Variants in FGGY observed in about 807,000 individuals in gnomAD.
FGGY encodes FGGY carbohydrate kinase domain containing.
FGGY carries 72 observed loss-of-function variants against 71.3 expected under a neutral mutation model. The observed-to-expected ratio is 1.01, with a 90% CI of 0.84 to 1.23. The LOEUF is 1.23. Ranked by LOEUF, FGGY falls within the 50% of genes most tolerant of loss-of-function variation. The pLI is 0.00. For synonymous variants in FGGY, 251 were observed against 250.3 expected (o/e 1.00, Z -0.02); for missense variants, 668 against 682.3 (o/e 0.98, Z 0.23).
At chr1:59,499,644 A>G (rs2094161391) in intron 6 of FGGY, among the ~76,000 whole-genome samples, 1 of 152,204 alleles carries the variant, frequency 6.6e-6, no homozygotes, top group African/African-American at 2.4e-5. Context: ...AAAAAAGTTT[A>G]AGAACATAGT....
intron 14 of FGGY, among the ~76,000 whole-genome samples, chr1:59,695,266 G>A (rs1221064457): frequency 6.6e-6 from 1 of 152,198 alleles, no homozygotes; most frequent in African/African-American, 2.4e-5. Flanking sequence ...GCAATGACAA[G>A]TGAAAAGATG....
intron 14 of FGGY, 79 bp from the exon 15 acceptor site, chr1:59,757,852 A>G (rs2098306458): frequency 2.1e-6 from 2 of 941,248 alleles, no homozygotes; most frequent in African/African-American, 3.3e-5. Context: ...AATTCAAATT[A>G]GAATGTTTTG....
At chr1:59,737,218 TC>T (rs1475152967) in intron 14 of FGGY, among the ~76,000 whole-genome samples, 1 of 152,194 alleles carries the variant, frequency 6.6e-6, no homozygotes, top group East Asian at 1.9e-4. Context: ...AGGGACAGGG[TC>T]CTCTTGGAGA....
chr1:59,675,236 A>G (rs990000198), intron 14 of FGGY, among the ~76,000 whole-genome samples: 1 of 152,128 alleles, frequency 6.6e-6, no homozygotes, highest in Admixed American at 6.6e-5. Flanking sequence ...TTAGGACTAC[A>G]AGCCAGGTAT....
At chr1:59,732,908 C>T (rs1000750622) in intron 14 of FGGY, among the ~76,000 whole-genome samples, 1 of 152,110 alleles carries the variant, frequency 6.6e-6, no homozygotes, top group Non-Finnish European at 1.5e-5. Context: ...ACATGGCCCC[C>T]GAGTACCTGG....
rs145802448 is a variant in FGGY, at chr1:59,502,915, G to A, written c.671-9396G>A. On this transcript the variant is annotated intron_variant, in intron 6 of 15. Coordinates refer to ENST00000303721, the MANE Select transcript of FGGY (RefSeq NM_018291.5). The stretch of plus-strand genomic sequence containing the variant: ...AGAAGCTAAAAGATTCAGCATGTTC[G>A]GATTTCATGACTCTTGTGGTTTTGT... Among the ~76,000 whole-genome samples the A allele has an allele frequency of 2.9e-4, 44 of 152,292 alleles. No homozygotes were observed. In the East Asian group the frequency reaches 4.1e-3, roughly 14 times the overall value.
chr1:59,611,018 C>T lies in FGGY; in HGVS notation c.1011+3108C>T, dbSNP rs141031234. 4.1e-3 allele frequency among the ~76,000 whole-genome samples: 626 copies of T among 152,332 alleles called. 3 individuals are homozygous for T. The highest frequency in any genetic ancestry group is 0.014 in the African/African-American group (581 of 41,570). ...GTAGGTAAACAAAGTGGCCTGGAAGCTCTAACTGGGTGGAGCCCACCTCAG... is the reference window on the plus strand; with the variant it reads ...GTAGGTAAACAAAGTGGCCTGGAAGTTCTAACTGGGTGGAGCCCACCTCAG... On this transcript the variant is annotated intron_variant, in intron 9 of 15. Coordinates refer to ENST00000303721, the MANE Select transcript of FGGY (RefSeq NM_018291.5).
chr1:59,500,156 TG>T (rs2094180694), intron 6 of FGGY, among the ~76,000 whole-genome samples: 1 of 152,150 alleles, frequency 6.6e-6, no homozygotes, highest in African/African-American at 2.4e-5. Context: ...TAAACAAATA[TG>T]ATCAGAGCAA....
At chr1:59,423,218 T>C (rs1168970923) in intron 5 of FGGY, among the ~76,000 whole-genome samples, 1 of 152,202 alleles carries the variant, frequency 6.6e-6, no homozygotes, top group Non-Finnish European at 1.5e-5. Context: ...CGAAAGCCTT[T>C]GTCTCTGCTC....
At chr1:59,406,481 G>C (rs2062776838) in intron 5 of FGGY, among the ~76,000 whole-genome samples, 1 of 152,178 alleles carries the variant, frequency 6.6e-6, no homozygotes, top group African/African-American at 2.4e-5. Context: ...GTGCCTTACA[G>C]AGACAATAAC....
At chr1:59,306,282 A>T (rs2043429051) in intron 1 of FGGY, among the ~76,000 whole-genome samples, 1 of 152,214 alleles carries the variant, frequency 6.6e-6, no homozygotes, top group Non-Finnish European at 1.5e-5. Flanking sequence ...AGGTACTCAG[A>T]TACCAATAAT....
chr1:59,617,520 T>G (rs1199471505), intron 9 of FGGY, among the ~76,000 whole-genome samples: 1 of 152,106 alleles, frequency 6.6e-6, no homozygotes, highest in Admixed American at 6.6e-5. Flanking sequence ...CTAAGGATGA[T>G]TGATTTTAGT....
intron 11 of FGGY, among the ~76,000 whole-genome samples, chr1:59,652,564 A>C (rs1468987852): frequency 1.4e-5 from 2 of 142,702 alleles, no homozygotes; most frequent in Admixed American, 6.9e-5. Flanking sequence ...AGGCTTCTGC[A>C]TTCTTCACGT....
intron 10 of FGGY, among the ~76,000 whole-genome samples, chr1:59,631,505 T>C (rs2096908348): frequency 6.6e-6 from 1 of 152,202 alleles, no homozygotes; most frequent in Non-Finnish European, 1.5e-5. Context: ...ATGCTTCCGG[T>C]CTTAGAAAGA....
chr1:59,342,221 A>C (rs1392357819), intron 3 of FGGY, among the ~76,000 whole-genome samples: 1 of 152,136 alleles, frequency 6.6e-6, no homozygotes, highest in Non-Finnish European at 1.5e-5. Flanking sequence ...ACTTGACTTG[A>C]GGTGGAGCTA....
At chr1:59,491,305 CT>C (rs1463645404) in intron 6 of FGGY, among the ~76,000 whole-genome samples, 3 of 151,026 alleles carry the variant, frequency 2.0e-5, no homozygotes, top group Non-Finnish European at 1.5e-5. Context: ...GTGTAGGTTG[CT>C]TTGGGTAGTA....
At chr1:59,624,625 G>A (rs142770379) in intron 9 of FGGY, among the ~76,000 whole-genome samples, 7 of 152,146 alleles carry the variant, frequency 4.6e-5, no homozygotes, top group East Asian at 1.9e-4. Flanking sequence ...CTGGGGAGGC[G>A]TCACAATCAT....
At chr1:59,321,835 G>C (rs2046448943) in intron 2 of FGGY, 85 bp downstream of exon 2, 1 of 1,407,630 alleles carries the variant, frequency 7.1e-7, no homozygotes, top group Non-Finnish European at 9.7e-7. Flanking sequence ...AAACAATGTT[G>C]GGGTAACTTT....
intron 12 of FGGY, among the ~76,000 whole-genome samples, chr1:59,664,019 T>C (rs538024798): frequency 1.3e-5 from 2 of 152,196 alleles, no homozygotes; most frequent in Non-Finnish European, 2.9e-5. Flanking sequence ...AAACCCTCCA[T>C]GAAGTAAAAT....
Sources: gnomAD v4.1 joint callset for allele counts (sites outside exome capture counted in the v4.1 genomes callset) on GRCh38, gnomAD v4.1.1 for gene constraint, MANE v1.5 for transcripts, NCBI Gene and HGNC (gene_info 2026-07-23, HGNC 2026-07-21) for gene names.